Variants in RANBP17 observed in about 807,000 individuals in gnomAD.
The protein encoded by RANBP17 is ran-binding protein 17.
Under a neutral mutation model 141.2 loss-of-function variants are expected in RANBP17, and 158 were observed. That is an observed-to-expected ratio of 1.12 (90% CI 0.98 to 1.28). The LOEUF (loss-of-function observed/expected upper bound fraction) is 1.28, where lower values mean the gene tolerates loss of function less well. RANBP17 is among the 50% of genes most tolerant of loss of function. RANBP17 has a pLI of 0.00. For missense variants in RANBP17, 1,438 were observed against 1,290.7 expected (o/e 1.11, Z -1.75); for synonymous variants, 430 against 450.0 (o/e 0.96, Z 0.56).
chr5:171,086,211 G>A (rs58789294), intron 14 of RANBP17, among the ~76,000 whole-genome samples: 85,967 of 120,786 alleles, frequency 0.71, 30,948 homozygotes, highest in South Asian at 0.88. Flanking sequence ...TTCTACATCT[G>A]TTGAGATAAT....
chr5:170,891,965 G>A (rs1769654700), intron 3 of RANBP17, among the ~76,000 whole-genome samples: 1 of 152,036 alleles, frequency 6.6e-6, no homozygotes, highest in African/African-American at 2.4e-5. Flanking sequence ...CAAATGCATT[G>A]GAACAAATTT....
intron 16 of RANBP17, among the ~76,000 whole-genome samples, chr5:171,182,396 AGTTGAACT>A (rs1451689368): frequency 5.3e-5 from 8 of 152,198 alleles, no homozygotes; most frequent in African/African-American, 1.9e-4. Flanking sequence ...GCTCCTTCTA[AGTTGAACT>A]GTTCAGATGA....
intron 25 of RANBP17, 61 bp from the exon 26 acceptor site, chr5:171,293,822 C>T (rs1482300625): frequency 3.2e-6 from 4 of 1,261,628 alleles, no homozygotes; most frequent in African/African-American, 2.9e-5. Context: ...CATGAAAGGC[C>T]TGGGATTAGG....
intron 1 of RANBP17, among the ~76,000 whole-genome samples, chr5:170,868,392 G>A (rs1289592440): frequency 2.0e-5 from 3 of 152,054 alleles, no homozygotes; most frequent in Non-Finnish European, 4.4e-5. Context: ...GGGACTACAG[G>A]CATGTGCTAC....
intron 14 of RANBP17, among the ~76,000 whole-genome samples, chr5:171,040,621 G>C (rs1050648991): frequency 6.6e-6 from 1 of 152,098 alleles, no homozygotes; most frequent in East Asian, 1.9e-4. Flanking sequence ...AAAAAGTTTT[G>C]AGAACCAGTT....
intron 14 of RANBP17, among the ~76,000 whole-genome samples, chr5:171,130,049 C>T (rs1409647395): frequency 2.0e-5 from 3 of 152,152 alleles, no homozygotes; most frequent in African/African-American, 7.2e-5. Flanking sequence ...CAATCATGGT[C>T]TGTGGTGTAC....
At chr5:171,129,355 A>G (rs1010341922) in intron 14 of RANBP17, among the ~76,000 whole-genome samples, 1 of 152,190 alleles carries the variant, frequency 6.6e-6, no homozygotes, top group Admixed American at 6.5e-5. Context: ...GACTCGGGTG[A>G]TATTTCAGAT....
intron 14 of RANBP17, among the ~76,000 whole-genome samples, chr5:171,016,529 A>G (rs1437918833): frequency 6.6e-6 from 1 of 150,844 alleles, no homozygotes. Context: ...TTTTTCCTTT[A>G]TATATATTTT....
At chr5:170,893,152 T>A (rs1769796002) in intron 4 of RANBP17, among the ~76,000 whole-genome samples, 1 of 152,078 alleles carries the variant, frequency 6.6e-6, no homozygotes, top group Non-Finnish European at 1.5e-5. Flanking sequence ...AATAGTTATT[T>A]TAAAAACAAT....
chr5:171,246,776 G>A (rs1464150677), intron 24 of RANBP17, among the ~76,000 whole-genome samples: 1 of 152,212 alleles, frequency 6.6e-6, no homozygotes, highest in Admixed American at 6.5e-5. Flanking sequence ...TTGGATTTAA[G>A]TCCCAGCACT....
intron 22 of RANBP17, among the ~76,000 whole-genome samples, chr5:171,222,431 A>G (rs997896277): frequency 7.9e-5 from 12 of 152,300 alleles, no homozygotes; most frequent in East Asian, 7.7e-4. Context: ...ACCTTTATGT[A>G]GATAAGGAAT....
intron 23 of RANBP17, 40 bp from the exon 24 acceptor site, chr5:171,242,641 CT>C: frequency 6.3e-7 from 1 of 1,595,602 alleles, no homozygotes; most frequent in Non-Finnish European, 8.5e-7. Context: ...ATGTATTTTT[CT>C]TCTCTGTGGC....
chr5:170,886,708 G>C (rs1385606935), intron 3 of RANBP17, among the ~76,000 whole-genome samples: 1 of 137,520 alleles, frequency 7.3e-6, no homozygotes, highest in Non-Finnish European at 1.5e-5. Flanking sequence ...ACTGAGGCTG[G>C]AGTGCAGTGT....
chr5:171,058,080 G>T (rs1334076568), intron 14 of RANBP17, among the ~76,000 whole-genome samples: 2 of 151,502 alleles, frequency 1.3e-5, no homozygotes, highest in Non-Finnish European at 2.9e-5. Context: ...TCCTTCATAG[G>T]GATTATGACA....
intron 11 of RANBP17, among the ~76,000 whole-genome samples, chr5:170,923,803 A>G (rs1772676873): frequency 6.6e-6 from 1 of 152,118 alleles, no homozygotes; most frequent in South Asian, 2.1e-4. Flanking sequence ...TTCACTGCCA[A>G]TATCTACTAA....
intron 14 of RANBP17, among the ~76,000 whole-genome samples, chr5:171,064,291 A>G (rs866680115): frequency 1.3e-5 from 2 of 152,208 alleles, no homozygotes; most frequent in Non-Finnish European, 2.9e-5. Flanking sequence ...AGCTGTTCCT[A>G]TTCGGCCATC....
At chr5:171,207,571 G>C (rs1401755677) in intron 20 of RANBP17, 7 of 152,192 alleles carry the variant, frequency 4.6e-5, no homozygotes, top group Non-Finnish European at 1.0e-4. Flanking sequence ...CATAGATGTT[G>C]AAGTTATCAG....
At chr5:171,013,843 A>G (rs1247052542) in intron 14 of RANBP17, among the ~76,000 whole-genome samples, 1 of 152,126 alleles carries the variant, frequency 6.6e-6, no homozygotes, top group Non-Finnish European at 1.5e-5. Context: ...GTTACAGATC[A>G]ATTTGTCTTA....
chr5:170,924,601 A>T lies in RANBP17; in HGVS notation c.1468+51A>T, dbSNP rs1182232145. The T allele has an allele frequency of 7.7e-6, 9 of 1,162,724 alleles. No individual in the cohort carries two copies. In the Admixed American group the frequency reaches 1.5e-4, roughly 19 times the overall value. The allele number at this position is 1,162,724 out of a possible 1,614,324, so 72.0% of individuals were successfully genotyped here. A position where few individuals can be genotyped will look rare whatever the true frequency, so the allele number is the denominator to read the frequency against. ...AGTATTATGTTGAATATTAAGTAAC[A>T]TCATTAATCACTTTAATAGTTTTAC... is the stretch of plus-strand genomic sequence containing the variant. On this transcript the variant is annotated intron_variant, in intron 12 of 27. Transcript: ENST00000523189.
Sources: gnomAD v4.1 joint callset for allele counts (sites outside exome capture counted in the v4.1 genomes callset) on GRCh38, gnomAD v4.1.1 for gene constraint, MANE v1.5 for transcripts, NCBI Gene and HGNC (gene_info 2026-07-23, HGNC 2026-07-21) for gene names.